Variants in ACO2 observed in about 807,000 individuals in gnomAD.
The protein encoded by ACO2 is aconitase 2, also known as aconitate hydratase, mitochondrial.
In ACO2, 31 loss-of-function variants were observed where a neutral mutation model predicts 84.5. The observed-to-expected ratio is 0.37, with a 90% CI of 0.28 to 0.50. The LOEUF (loss-of-function observed/expected upper bound fraction) is 0.50. ACO2 is among the 20% of genes least tolerant of loss of function. The pLI is 0.97. For missense variants in ACO2, 685 were observed against 1,029.3 expected (o/e 0.67, Z 4.58); for synonymous variants, 414 against 412.7 (o/e 1.00, Z -0.04).
At chr22:41,509,083 G>A (rs927599962) in intron 3 of ACO2, among the ~76,000 whole-genome samples, 3 of 152,128 alleles carry the variant, frequency 2.0e-5, no homozygotes, top group African/African-American at 4.8e-5. Flanking sequence ...TTCCACATTA[G>A]CAACAACACT....
intron 1 of ACO2, among the ~76,000 whole-genome samples, chr22:41,498,741 G>A (rs2066332992): frequency 6.6e-6 from 1 of 152,184 alleles, no homozygotes; most frequent in South Asian, 2.1e-4. Flanking sequence ...TAGTCTCAAA[G>A]TCCAATAGCA....
intron 2 of ACO2, among the ~76,000 whole-genome samples, chr22:41,503,333 T>C (rs2066367044): frequency 6.6e-6 from 1 of 152,128 alleles, no homozygotes; most frequent in African/African-American, 2.4e-5. Flanking sequence ...GTTCTCTGTT[T>C]TCTTTTTTTT....
chr22:41,512,277 C>G (rs527807565), intron 4 of ACO2: 5 of 299,808 alleles, frequency 1.7e-5, no homozygotes, highest in Non-Finnish European at 3.1e-5. Context: ...CCCATAAACT[C>G]TCATACAGAA....
chr22:41,497,669 G>T (rs1178115511), intron 1 of ACO2, among the ~76,000 whole-genome samples: 3 of 151,620 alleles, frequency 2.0e-5, no homozygotes, highest in African/African-American at 7.3e-5. Flanking sequence ...GATCACCTGA[G>T]GTCAGGAGTT....
chr22:41,488,632 C>T (rs1371387171), intron 1 of ACO2, among the ~76,000 whole-genome samples: 1 of 152,176 alleles, frequency 6.6e-6, no homozygotes, highest in Non-Finnish European at 1.5e-5. Flanking sequence ...TTCACATGTG[C>T]ACACATGTAG....
chr22:41,518,711 G>A (rs2066495538), intron 8 of ACO2, 139 bp downstream of exon 8: 1 of 649,630 alleles, frequency 1.5e-6, no homozygotes, highest in Admixed American at 2.6e-5. Context: ...AGGCAGGTGG[G>A]TCAGTTGAGG....
rs757438868 is a variant in ACO2, at chr22:41,522,976, C to T, written c.1285C>T (p.Arg429Trp). 3 of 1,614,164 alleles carry T rather than the reference C, an allele frequency of 1.9e-6. No individual in the cohort carries two copies. Among genetic ancestry groups the T allele is most frequent in the Non-Finnish European group, 2.5e-6 (3 of 1,180,026 alleles). The part of the protein sequence containing the change: ...GSEQIRATIE[R>W]DGYAQILRDL... ...CGAGCAGATCCGCGCCACCATTGAGCGGGACGGCTATGTGAGTGCCCATAT... is the reference window on the plus strand; with the variant it reads ...CGAGCAGATCCGCGCCACCATTGAGTGGGACGGCTATGTGAGTGCCCATAT... Residue 429 changes from arginine to tryptophan, a missense_variant, in exon 10 of 18, where the codon CGG becomes TGG. Arg to Trp is a moderately radical substitution (Grantham distance 101). Transcript: ENST00000216254.
At chr22:41,510,868 G>A (rs541467144) in intron 3 of ACO2, among the ~76,000 whole-genome samples, 3 of 152,266 alleles carry the variant, frequency 2.0e-5, no homozygotes, top group South Asian at 2.1e-4. Flanking sequence ...TGGTCCCTTC[G>A]ACAGCCTTCC....
In ACO2 at chr22:41,511,914, A is replaced by T. The variant is rs749613684; in HGVS notation, c.471A>T (p.Ala157=). 6.2e-7 allele frequency: 1 copy of T among 1,611,340 alleles called. No individual in the cohort carries two copies. Among genetic ancestry groups the T allele is most frequent in the Non-Finnish European group, 8.5e-7 (1 of 1,179,030 alleles). The part of the protein sequence containing the change: ...NQEVYNFLAT[A]GAKYGVGFWK... ...AAGTTTATAATTTCCTGGCAACTGC[A>T]GGTGCCAAATATGGCGTGGGCTTCT... Residue 157 remains alanine (A), a synonymous_variant, in exon 4 of 18, where the codon GCA becomes GCT. Transcript: ENST00000216254.
In ACO2 at chr22:41,514,930, G is replaced by A. The variant is rs2066463611; in HGVS notation, c.526-447G>A. 4.6e-5 allele frequency among the ~76,000 whole-genome samples: 7 copies of A among 152,186 alleles called. No individual in the cohort carries two copies. In the South Asian group the frequency reaches 1.4e-3, roughly 32 times the overall value. The stretch of plus-strand genomic sequence containing the variant: ...GGCCTCCCAGGACTTCTTCCTCAGG[G>A]GCCTTGTGGGGCTGGAGCCAGCTCC... On this transcript the variant is annotated intron_variant, in intron 4 of 17. Transcript: ENST00000216254.
In ACO2 at chr22:41,523,861, A is replaced by G. The variant is rs1485743796; in HGVS notation, c.1402A>G (p.Ile468Val). ...KDIKKGEKNTIVTSYNRNFTG... is the reference protein window; with the variant it reads ...KDIKKGEKNTVVTSYNRNFTG... ...CATCAAGAAGGGGGAGAAGAACACAATCGTCACCTCCTACAACAGGAACTT... is the reference window on the plus strand; with the variant it reads ...CATCAAGAAGGGGGAGAAGAACACAGTCGTCACCTCCTACAACAGGAACTT... The change falls in exon 12 of 18, where the codon ATC becomes GTC. Residue 468 changes from isoleucine to valine, a missense_variant. Transcript: ENST00000216254. 2 of 1,611,846 alleles carry G rather than the reference A, an allele frequency of 1.2e-6. No individual in the cohort carries two copies. The highest frequency in any genetic ancestry group is 1.1e-5 in the South Asian group (1 of 90,984).
rs533001087 is a variant in ACO2 at position 41,470,050 on chromosome 22, A to G, written c.36+868A>G. On this transcript the variant is annotated intron_variant, in intron 1 of 17. Coordinates refer to ENST00000216254, the MANE Select transcript of ACO2 (RefSeq NM_001098.3). ...GAGCCTCACAATAAGTTGCTTGTCA[A>G]ATATGGGAGGATAAGGAGACTCCAG... Among the ~76,000 whole-genome samples, 76 of 152,312 alleles carry G rather than the reference A, an allele frequency of 5.0e-4. 1 individual carries two copies. Among genetic ancestry groups the G allele is most frequent in the Middle Eastern group, 6.8e-3 (2 of 294 alleles).
chr22:41,524,594 A>G (rs2066560803), intron 12 of ACO2, among the ~76,000 whole-genome samples: 2 of 152,222 alleles, frequency 1.3e-5, no homozygotes, highest in African/African-American at 2.4e-5. Context: ...GAGAGAGAAC[A>G]GCACTGCCGG....
chr22:41,487,201 G>C (rs183063960), intron 1 of ACO2, among the ~76,000 whole-genome samples: 33 of 152,236 alleles, frequency 2.2e-4, no homozygotes, highest in African/African-American at 6.3e-4. Flanking sequence ...TTTTCTTTCA[G>C]TTGCAAGTGC....
At chr22:41,518,244 C>G (rs2066491059) in intron 7 of ACO2, among the ~76,000 whole-genome samples, 1 of 152,118 alleles carries the variant, frequency 6.6e-6, no homozygotes, top group African/African-American at 2.4e-5. Flanking sequence ...TCCAGGACAC[C>G]CTCCCCGGCT....
intron 2 of ACO2, among the ~76,000 whole-genome samples, chr22:41,503,537 G>T (rs898904272): frequency 4.6e-5 from 7 of 152,034 alleles, no homozygotes; most frequent in Admixed American, 2.0e-4. Context: ...CACCATGTTA[G>T]CCGGGATGGT....
At chr22:41,520,611 G>T (rs2066516529) in intron 9 of ACO2, among the ~76,000 whole-genome samples, 1 of 152,012 alleles carries the variant, frequency 6.6e-6, no homozygotes, top group South Asian at 2.1e-4. Context: ...GGGAGGCCGA[G>T]ATGGGTGGAT....
At chr22:41,498,088 G>A (rs2066328203) in intron 1 of ACO2, among the ~76,000 whole-genome samples, 1 of 152,166 alleles carries the variant, frequency 6.6e-6, no homozygotes, top group Non-Finnish European at 1.5e-5. Context: ...AGGTTGCAGT[G>A]AGCTGAGATC....
chr22:41,475,142 TTA>T (rs2037997037), intron 1 of ACO2, among the ~76,000 whole-genome samples: 1 of 149,770 alleles, frequency 6.7e-6, no homozygotes, highest in Non-Finnish European at 1.5e-5. Flanking sequence ...CTTACCTTTT[TTA>T]TAAAAAAAAA....
Sources: allele counts gnomAD v4.1 joint callset (sites outside exome capture counted in the v4.1 genomes callset), GRCh38; gene constraint gnomAD v4.1.1; transcripts MANE v1.5; gene names NCBI Gene and HGNC (gene_info 2026-07-23, HGNC 2026-07-21).